The following ASAH2 variants were observed in gnomAD, a reference collection of about 807,000 sequenced individuals.
ASAH2 encodes neutral ceramidase.
ASAH2 carries 58 observed loss-of-function variants against 82.9 expected under a neutral mutation model. The ratio of observed to expected loss-of-function variants is 0.70; its 90% CI spans 0.57 to 0.87. The LOEUF (loss-of-function observed/expected upper bound fraction) is 0.87. Ranked by LOEUF, ASAH2 falls within the 40% of genes least tolerant of loss-of-function variation. ASAH2 has a pLI of 0.00. For synonymous variants in ASAH2, 276 were observed against 289.7 expected (o/e 0.95, Z 0.48); for missense variants, 779 against 834.0 (o/e 0.93, Z 0.81).
chr10:50,231,645 C>T (rs1846024901), intron 7 of ASAH2, among the ~76,000 whole-genome samples: 1 of 152,110 alleles, frequency 6.6e-6, no homozygotes. Context: ...AGAAAGTGTG[C>T]TGAGTTAAAT....
chr10:50,231,984 A>G (rs1182823722), intron 7 of ASAH2, among the ~76,000 whole-genome samples: 2 of 152,148 alleles, frequency 1.3e-5, no homozygotes, highest in African/African-American at 4.8e-5. Context: ...CAAATAGGAT[A>G]GTTAAGGTCT....
intron 8 of ASAH2, 114 bp from the exon 9 acceptor site, chr10:50,214,982 G>T: frequency 1.5e-6 from 2 of 1,317,532 alleles, no homozygotes; most frequent in Non-Finnish European, 2.1e-6. Context: ...TCATTTGCAG[G>T]CAATAAAAAG....
intron 18 of ASAH2, among the ~76,000 whole-genome samples, chr10:50,193,278 T>C (rs1452410803): frequency 1.3e-5 from 2 of 151,618 alleles, no homozygotes; most frequent in South Asian, 2.1e-4. Flanking sequence ...ACCAGCTCAA[T>C]GTCATCAGAG....
chr10:50,203,762 A>T, intron 14 of ASAH2, 83 bp from the exon 15 acceptor site: 1 of 1,155,338 alleles, frequency 8.7e-7, no homozygotes, highest in Non-Finnish European at 1.3e-6. Flanking sequence ...GAAAGCCAAA[A>T]AATTACCCTG....
intron 7 of ASAH2, among the ~76,000 whole-genome samples, chr10:50,225,183 C>A (rs1845847711): frequency 6.6e-6 from 1 of 152,126 alleles, no homozygotes. Flanking sequence ...GCCTTTAGTC[C>A]CAGCACTTTG....
rs185335365 is a variant in ASAH2, at chr10:50,213,443, G to A, written c.1141-385C>T. The stretch of plus-strand genomic sequence containing the variant: ...TCATGATCACCTTAAACTGAAACTC[G>A]ATTAAAATTATATTGGAACAACTAG... On this transcript the variant is annotated intron_variant, in intron 9 of 20. Transcript: ENST00000682911. 9.1e-3 allele frequency among the ~76,000 whole-genome samples: 1,382 copies of A among 152,056 alleles called. 21 individuals are homozygous for A. Among genetic ancestry groups the A allele is most frequent in the African/African-American group, 0.03 (1,240 of 41,480 alleles).
chr10:50,234,279 A>C, intron 6 of ASAH2, 146 bp downstream of exon 6: 1 of 1,161,832 alleles, frequency 8.6e-7, no homozygotes, highest in Non-Finnish European at 1.3e-6. Context: ...TGCTTGTTTT[A>C]GATTACACAG....
intron 3 of ASAH2, 72 bp from the exon 4 acceptor site, chr10:50,243,423 A>G (rs1290725300): frequency 6.7e-7 from 1 of 1,491,068 alleles, no homozygotes; most frequent in Non-Finnish European, 9.0e-7. Flanking sequence ...ACAAACATAC[A>G]ATATAGACGA....
chr10:50,226,482 A>G (rs1264723909), intron 7 of ASAH2, among the ~76,000 whole-genome samples: 5 of 152,128 alleles, frequency 3.3e-5, no homozygotes, highest in African/African-American at 1.2e-4. Context: ...ATATAAAAGA[A>G]AAGAAGATTT....
At chr10:50,216,366 C>T (rs1285300771) in intron 8 of ASAH2, among the ~76,000 whole-genome samples, 6 of 152,184 alleles carry the variant, frequency 3.9e-5, no homozygotes, top group East Asian at 1.9e-4. Context: ...TGTAAAGGCT[C>T]ACATTACAGT....
At chr10:50,225,632 A>C (rs1845861903) in intron 7 of ASAH2, among the ~76,000 whole-genome samples, 1 of 152,118 alleles carries the variant, frequency 6.6e-6, no homozygotes, top group Admixed American at 6.6e-5. Context: ...GAGTATGACA[A>C]ACAACATTCT....
At chr10:50,224,291 T>C (rs1472165557) in intron 7 of ASAH2, among the ~76,000 whole-genome samples, 1 of 152,140 alleles carries the variant, frequency 6.6e-6, no homozygotes, top group Non-Finnish European at 1.5e-5. Flanking sequence ...ATATTGGTGA[T>C]GCTATACTGA....
intron 7 of ASAH2, among the ~76,000 whole-genome samples, chr10:50,219,088 C>T (rs1028429263): frequency 2.6e-5 from 4 of 152,250 alleles, no homozygotes; most frequent in African/African-American, 4.8e-5. Flanking sequence ...ATGGCTTTAA[C>T]ACAGTGTGAC....
chr10:50,233,994 A>T (rs1420953778), intron 6 of ASAH2, among the ~76,000 whole-genome samples: 12 of 152,132 alleles, frequency 7.9e-5, no homozygotes, highest in African/African-American at 2.9e-4. Context: ...TCTGGATAAC[A>T]CATAATAAAA....
In ASAH2 at chr10:50,245,418, G is replaced by A. The variant is rs1444115076; in HGVS notation, c.164C>T (p.Pro55Leu). ...GGHFFSTTQS[P>L]PATQGSTAAQ... The stretch of plus-strand genomic sequence containing the variant: ...AGCTGTGGAGCCCTGGGTGGCTGGA[G>A]GGCTTTGGGTGGTTGAAAAAAAATG... Residue 55 changes from proline to leucine, a missense_variant, in exon 3 of 21, where the codon CCT (proline) becomes CTT (leucine). This residue lies in a region of ASAH2 where 759 missense variants were observed against 755.2 expected (regional missense o/e 1.00). Coordinates refer to ENST00000682911, the MANE Select transcript of ASAH2 (RefSeq NM_019893.4). 2.5e-6 allele frequency: 4 copies of A among 1,613,716 alleles called. No individual in the cohort carries two copies. Among genetic ancestry groups the A allele is most frequent in the Non-Finnish European group, 3.4e-6 (4 of 1,179,932 alleles).
chr10:50,199,637 T>C (rs1172091528), intron 16 of ASAH2, among the ~76,000 whole-genome samples: 1,993 of 125,066 alleles, frequency 0.016, 20 homozygotes, highest in East Asian at 0.056. Context: ...TCTACAGGAA[T>C]TTCAAAGTTA....
intron 13 of ASAH2, among the ~76,000 whole-genome samples, 161 bp downstream of exon 13, chr10:50,205,821 C>T (rs1845278102): frequency 6.6e-6 from 1 of 151,868 alleles, no homozygotes; most frequent in Admixed American, 6.6e-5. Context: ...ACCTTCATTC[C>T]TTAGAGTCAT....
In ASAH2 at chr10:50,210,876, T is replaced by C. The variant is rs1240661140; in HGVS notation, c.1361A>G (p.Tyr454Cys). The C allele has an allele frequency of 6.3e-5, 101 of 1,613,556 alleles. No individual in the cohort carries two copies. The highest frequency in any genetic ancestry group is 4.0e-4 in the Admixed American group (24 of 59,966). ...ATCAATAGTGCCAGCTGCAAAACTG[T>C]AGCCCAATGCTGGTTTACATGTTTT... ...ASKTCKPALG[Y>C]SFAAGTIDGV... Residue 454 changes from tyrosine to cysteine, a missense_variant, in exon 12 of 21, where the codon TAC becomes TGC. This residue lies in a region of ASAH2 where 759 missense variants were observed against 755.2 expected (regional missense o/e 1.00). Transcript: ENST00000682911.
intron 7 of ASAH2, among the ~76,000 whole-genome samples, chr10:50,222,127 T>C (rs1345791843): frequency 6.6e-6 from 1 of 152,210 alleles, no homozygotes; most frequent in Non-Finnish European, 1.5e-5. Flanking sequence ...AGAGTGAATT[T>C]ATTGGGAATC....
Sources: gnomAD v4.1 joint callset for allele counts (sites outside exome capture counted in the v4.1 genomes callset) on GRCh38, gnomAD v4.1.1 for gene constraint, gnomAD v4.1.1 regional missense constraint, MANE v1.5 for transcripts, NCBI Gene and HGNC (gene_info 2026-07-23, HGNC 2026-07-21) for gene names.